Variants in PRKCI observed in about 807,000 individuals in gnomAD.
PRKCI encodes protein kinase C iota, also known as protein kinase C iota type.
PRKCI carries 43 observed loss-of-function variants against 84.0 expected under a neutral mutation model. That is an observed-to-expected ratio of 0.51 (90% CI 0.40 to 0.66). The LOEUF (loss-of-function observed/expected upper bound fraction) is 0.66, where lower values mean the gene tolerates loss of function less well. Ranked by LOEUF, PRKCI falls within the 30% of genes least tolerant of loss-of-function variation. PRKCI has a pLI of 0.00. For synonymous variants in PRKCI, 216 were observed against 234.4 expected (o/e 0.92, Z 0.72); for missense variants, 459 against 745.6 (o/e 0.62, Z 4.48).
At chr3:170,232,190 G>A (rs1041707257) in intron 1 of PRKCI, among the ~76,000 whole-genome samples, 104 of 151,782 alleles carry the variant, frequency 6.9e-4, no homozygotes, top group African/African-American at 2.5e-3. Flanking sequence ...AGTTGGGACT[G>A]TAGGCACACA....
intron 1 of PRKCI, 87 bp from the exon 2 acceptor site, chr3:170,235,143 G>A: frequency 7.4e-7 from 1 of 1,356,160 alleles, no homozygotes; most frequent in Non-Finnish European, 1.0e-6. Flanking sequence ...AATTACTGAA[G>A]TTCATCAAAT....
chr3:170,277,275 A>G (rs909939409), intron 8 of PRKCI, among the ~76,000 whole-genome samples: 2 of 151,760 alleles, frequency 1.3e-5, no homozygotes, highest in Non-Finnish European at 2.9e-5. Flanking sequence ...AGGGCAAAGG[A>G]CATGAACAGA....
At chr3:170,252,031 C>T (rs965429322) in intron 2 of PRKCI, among the ~76,000 whole-genome samples, 2 of 151,890 alleles carry the variant, frequency 1.3e-5, no homozygotes, top group African/African-American at 4.8e-5. Flanking sequence ...CTGGCTAACA[C>T]AGAGAAACCC....
chr3:170,282,068 C>G, intron 11 of PRKCI, 100 bp downstream of exon 11: 1 of 1,235,966 alleles, frequency 8.1e-7, no homozygotes, highest in East Asian at 2.4e-5. Flanking sequence ...TATTTTGATA[C>G]TAGTTAATTA....
intron 3 of PRKCI, among the ~76,000 whole-genome samples, chr3:170,261,415 C>A (rs1733722277): frequency 6.7e-6 from 1 of 148,298 alleles, no homozygotes. Context: ...ATTTCAGTGC[C>A]TTATTATTAT....
At chr3:170,297,202 G>A (rs1734705309) in intron 15 of PRKCI, 102 bp from the exon 16 acceptor site, 2 of 898,206 alleles carry the variant, frequency 2.2e-6, no homozygotes, top group Admixed American at 4.6e-5. Flanking sequence ...TCCAACTTCA[G>A]AAATAAGAGT....
chr3:170,278,605 A>G (rs1156934808), intron 8 of PRKCI, among the ~76,000 whole-genome samples: 1 of 152,220 alleles, frequency 6.6e-6, no homozygotes, highest in Non-Finnish European at 1.5e-5. Context: ...GCAGTGAGCT[A>G]TGTTCGTGCC....
chr3:170,300,115 C>G (rs184580307), intron 17 of PRKCI, among the ~76,000 whole-genome samples: 59 of 152,254 alleles, frequency 3.9e-4, no homozygotes, highest in African/African-American at 1.3e-3. Context: ...CATTTCACTT[C>G]TATCTCATTT....
intron 4 of PRKCI, among the ~76,000 whole-genome samples, chr3:170,263,787 G>C (rs1733791421): frequency 6.6e-6 from 1 of 151,846 alleles, no homozygotes; most frequent in Non-Finnish European, 1.5e-5. Context: ...GACAGAGACA[G>C]GCCTTGTCTC....
In PRKCI at chr3:170,295,548, C is replaced by T. The variant is rs558432330; in HGVS notation, c.1418-363C>T. On this transcript the variant is annotated intron_variant, in intron 14 of 17. Coordinates refer to ENST00000295797, the MANE Select transcript of PRKCI (RefSeq NM_002740.6). ...AAAACTCACTGGGCATAGTGGCACA[C>T]GCCTGTAATCCCAGCTACTCAGGAG... 1.2e-4 allele frequency among the ~76,000 whole-genome samples: 18 copies of T among 151,940 alleles called. No homozygotes were observed. In the South Asian group the frequency reaches 2.7e-3, roughly 23 times the overall value.
chr3:170,263,997 A>G (rs1021342200), intron 4 of PRKCI, among the ~76,000 whole-genome samples: 3 of 152,232 alleles, frequency 2.0e-5, no homozygotes, highest in Non-Finnish European at 2.9e-5. Flanking sequence ...TTAAAATTCA[A>G]TTTTGGAAAT....
intron 12 of PRKCI, among the ~76,000 whole-genome samples, chr3:170,285,721 A>G (rs1734365202): frequency 6.6e-6 from 1 of 151,784 alleles, no homozygotes; most frequent in South Asian, 2.1e-4. Context: ...CGTACTTTTC[A>G]CATGATACTT....
rs552178622 is a variant in PRKCI at position 170,258,976 on chromosome 3, A to G, written c.224-993A>G. On this transcript the variant is annotated intron_variant, in intron 2 of 17. Coordinates refer to ENST00000295797, the MANE Select transcript of PRKCI (RefSeq NM_002740.6). The stretch of plus-strand genomic sequence containing the variant: ...CTTTCCCATTAGACACATAGCAGTG[A>G]CAATTTAAACTGTGGTCAGTAGCCA... 1.2e-3 allele frequency among the ~76,000 whole-genome samples: 183 copies of G among 152,228 alleles called. 1 individual carries two copies. Among genetic ancestry groups the G allele is most frequent in the African/African-American group, 3.9e-3 (163 of 41,566 alleles).
At chr3:170,283,762 T>C (rs574374692) in intron 11 of PRKCI, among the ~76,000 whole-genome samples, 21 of 152,262 alleles carry the variant, frequency 1.4e-4, no homozygotes, top group African/African-American at 5.1e-4. Context: ...AATCACGGAA[T>C]TAAGTAGCTA....
Position 170,284,483 on chromosome 3 carries a change from C to G in PRKCI, c.1090C>G (p.Leu364Val), listed in dbSNP as rs200664120. 9 of 1,587,078 alleles carry G rather than the reference C, an allele frequency of 5.7e-6. No individual in the cohort carries two copies. The East Asian group carries it at 2.0e-4, about 36-fold the overall frequency. The change falls in exon 12 of 18, where the codon CTA becomes GTA. Residue 364 changes from leucine to valine, a missense_variant. Leu to Val is a conservative substitution (Grantham distance 32). Around this residue, in one of 2 missense-constraint regions of PRKCI, gnomAD observed 209 missense variants for 425.9 expected, o/e 0.49. Transcript: ENST00000295797. ...TAGATTTTACTCTGCAGAAATCAGT[C>G]TAGCATTAAATTATCTTCATGAGCG... The part of the protein sequence containing the change: ...HARFYSAEIS[L>V]ALNYLHERGI...
At chr3:170,273,982 A>C (rs1220197837) in intron 7 of PRKCI, among the ~76,000 whole-genome samples, 1 of 152,060 alleles carries the variant, frequency 6.6e-6, no homozygotes, top group Non-Finnish European at 1.5e-5. Flanking sequence ...AAAAAAAAAA[A>C]AGTATGTAAA....
chr3:170,298,369 C>T (rs1277151371), intron 16 of PRKCI, among the ~76,000 whole-genome samples: 3 of 151,418 alleles, frequency 2.0e-5, no homozygotes, highest in Admixed American at 6.6e-5. Flanking sequence ...GCTGGGACTA[C>T]AGGCATAAGC....
At chr3:170,283,267 T>C (rs755647404) in intron 11 of PRKCI, among the ~76,000 whole-genome samples, 2 of 152,190 alleles carry the variant, frequency 1.3e-5, no homozygotes, top group Non-Finnish European at 2.9e-5. Context: ...TTGTTTCTTA[T>C]CCGTAATCAG....
chr3:170,288,427 C>T (rs961690173), intron 12 of PRKCI, among the ~76,000 whole-genome samples: 6 of 152,106 alleles, frequency 3.9e-5, no homozygotes, highest in African/African-American at 9.7e-5. Flanking sequence ...TGTCCTCCTA[C>T]CTCCCTTTCT....
Sources: gnomAD v4.1 joint callset for allele counts (sites outside exome capture counted in the v4.1 genomes callset) on GRCh38, gnomAD v4.1.1 for gene constraint, gnomAD v4.1.1 regional missense constraint, MANE v1.5 for transcripts, NCBI Gene and HGNC (gene_info 2026-07-23, HGNC 2026-07-21) for gene names.